The following SLC25A21 variants were observed in gnomAD, a reference collection of about 807,000 sequenced individuals.
SLC25A21 encodes solute carrier family 25 member 21.
In SLC25A21, 47 loss-of-function variants were observed where a neutral mutation model predicts 43.8. The ratio of observed to expected loss-of-function variants is 1.07; its 90% CI spans 0.85 to 1.37. The LOEUF (loss-of-function observed/expected upper bound fraction) is 1.37. SLC25A21 is among the 40% of genes most tolerant of loss of function. The probability of loss-of-function intolerance (pLI) is 0.00; values close to 1 mark genes in which losing one functional copy is unlikely to be tolerated. For missense variants in SLC25A21, 352 were observed against 350.2 expected, an observed-to-expected ratio of 1.00 and a Z score of -0.04; for synonymous variants, 131 against 121.3, an observed-to-expected ratio of 1.08 and a Z score of -0.52.
chr14:36,903,590 G>C (rs968309667), intron 1 of SLC25A21, among the ~76,000 whole-genome samples: 12 of 121,664 alleles, frequency 9.9e-5, no homozygotes, highest in African/African-American at 3.2e-4. Context: ...TCCAGCCTGG[G>C]TGACAGAGTG....
intron 1 of SLC25A21, among the ~76,000 whole-genome samples, chr14:37,165,582 G>T (rs1964016858): frequency 6.6e-6 from 1 of 152,106 alleles, no homozygotes; most frequent in South Asian, 2.1e-4. Context: ...GCAGGAGGAG[G>T]GTCCTGGAGT....
intron 1 of SLC25A21, among the ~76,000 whole-genome samples, chr14:37,039,773 G>A (rs1961404955): frequency 6.6e-6 from 1 of 152,164 alleles, no homozygotes. Flanking sequence ...TAAGTAACTT[G>A]ACAATTACTG....
chr14:36,970,631 T>G (rs74945694), intron 1 of SLC25A21, among the ~76,000 whole-genome samples: 2,316 of 152,248 alleles, frequency 0.015, 62 homozygotes, highest in African/African-American at 0.051. Context: ...CAAGCCAGGT[T>G]AGGGTGAACA....
At chr14:37,133,143 G>GCACACA (rs33962615) in intron 1 of SLC25A21, among the ~76,000 whole-genome samples, 2,916 of 148,054 alleles carry the variant, frequency 0.02, 82 homozygotes, top group African/African-American at 0.063. Context: ...GTGCACTCGT[G>GCACACA]CACACACACA....
intron 1 of SLC25A21, among the ~76,000 whole-genome samples, chr14:37,156,551 A>G (rs2138942395): frequency 6.6e-6 from 1 of 152,286 alleles, no homozygotes; most frequent in African/African-American, 2.4e-5. Flanking sequence ...TATCAATAAA[A>G]CACATATAGA....
intron 1 of SLC25A21, among the ~76,000 whole-genome samples, chr14:36,904,051 T>A: frequency 6.6e-6 from 1 of 152,252 alleles, no homozygotes; most frequent in Non-Finnish European, 1.5e-5. Flanking sequence ...GCTTTTCCTA[T>A]GACTGAATTC....
intron 3 of SLC25A21, among the ~76,000 whole-genome samples, chr14:36,810,252 C>T (rs1888191409): frequency 6.6e-6 from 1 of 152,114 alleles, no homozygotes; most frequent in Non-Finnish European, 1.5e-5. Context: ...GTAAGGACCA[C>T]ACATACTGTA....
chr14:36,967,934 T>G (rs1959657225), intron 1 of SLC25A21, among the ~76,000 whole-genome samples: 1 of 151,842 alleles, frequency 6.6e-6, no homozygotes, highest in Non-Finnish European at 1.5e-5. Context: ...CCCAAACGAG[T>G]GCCACAAAGG....
rs561626557 is a variant in SLC25A21, at chr14:37,089,439, T to G, written c.70+82842A>C. 5.9e-5 allele frequency among the ~76,000 whole-genome samples: 9 copies of G among 152,252 alleles called. No individual in the cohort carries two copies. The East Asian group carries it at 1.7e-3, about 29-fold the overall frequency. Reference sequence around the variant, plus strand: ...ATATGAAAAATACATATAGGAGAACTCTTGAGAAATATCTAAAATATATTC... The same window carrying G: ...ATATGAAAAATACATATAGGAGAACGCTTGAGAAATATCTAAAATATATTC... On this transcript the variant is annotated intron_variant, in intron 1 of 9. Transcript: ENST00000331299.
At chr14:37,022,427 A>G (rs957295649) in intron 1 of SLC25A21, among the ~76,000 whole-genome samples, 3 of 151,986 alleles carry the variant, frequency 2.0e-5, no homozygotes, top group Admixed American at 6.6e-5. Context: ...CTGTACCCCA[A>G]CCCAATTGTT....
At chr14:36,976,085 T>C (rs1465628307) in intron 1 of SLC25A21, among the ~76,000 whole-genome samples, 1 of 152,144 alleles carries the variant, frequency 6.6e-6, no homozygotes, top group Non-Finnish European at 1.5e-5. Context: ...AGAGCAGATG[T>C]TCCCATGTGT....
chr14:37,076,543 C>T (rs1242304638), intron 1 of SLC25A21, among the ~76,000 whole-genome samples: 1 of 151,922 alleles, frequency 6.6e-6, no homozygotes, highest in Non-Finnish European at 1.5e-5. Flanking sequence ...GGCTGGAGTG[C>T]AGTGCAGCGA....
intron 1 of SLC25A21, among the ~76,000 whole-genome samples, chr14:37,145,745 T>A (rs1166485862): frequency 6.6e-6 from 1 of 152,100 alleles, no homozygotes; most frequent in East Asian, 1.9e-4. Context: ...TCAGATACTC[T>A]ATACTTCTTC....
At chr14:36,708,254 T>C (rs868101110) in intron 7 of SLC25A21, among the ~76,000 whole-genome samples, 7 of 152,150 alleles carry the variant, frequency 4.6e-5, no homozygotes. Context: ...TATAAAACTA[T>C]GATGAACAAA....
At chr14:37,125,517 A>T (rs1215789902) in intron 1 of SLC25A21, among the ~76,000 whole-genome samples, 1 of 152,208 alleles carries the variant, frequency 6.6e-6, no homozygotes, top group Non-Finnish European at 1.5e-5. Flanking sequence ...AAGAGTCTAG[A>T]TAGGACAAAG....
intron 1 of SLC25A21, among the ~76,000 whole-genome samples, chr14:37,098,805 A>AT (rs71124791): frequency 0.84 from 108,581 of 129,108 alleles, 46,415 homozygotes; most frequent in South Asian, 0.94. Context: ...AGATAGATAG[A>AT]TTTTTTTTTT....
intron 1 of SLC25A21, among the ~76,000 whole-genome samples, chr14:36,938,183 T>A (rs918830557): frequency 2.0e-5 from 3 of 152,116 alleles, no homozygotes; most frequent in South Asian, 4.1e-4. Flanking sequence ...TAGTGTTGAA[T>A]CCTTTCTTAC....
At chr14:36,882,507 C>A (rs1205405789) in intron 1 of SLC25A21, among the ~76,000 whole-genome samples, 3 of 152,178 alleles carry the variant, frequency 2.0e-5, no homozygotes, top group Admixed American at 2.0e-4. Flanking sequence ...AATGGTATCT[C>A]TAGGTTGTGA....
chr14:36,738,634 A>G (rs1885136317), intron 3 of SLC25A21, among the ~76,000 whole-genome samples: 1 of 152,240 alleles, frequency 6.6e-6, no homozygotes, highest in Admixed American at 6.5e-5. Context: ...CAAGCCAACT[A>G]GAAGAAAGAG....
Sources: allele counts gnomAD v4.1 joint callset (sites outside exome capture counted in the v4.1 genomes callset), GRCh38; gene constraint gnomAD v4.1.1; transcripts MANE v1.5; gene names NCBI Gene and HGNC (gene_info 2026-07-23, HGNC 2026-07-21).